GRM7: variants seen among roughly 807,000 people sequenced by gnomAD.
The protein encoded by GRM7 is glutamate metabotropic receptor 7.
In GRM7, 35 loss-of-function variants were observed where a neutral mutation model predicts 84.5. That is an observed-to-expected ratio of 0.41 (90% CI 0.32 to 0.55). The LOEUF is 0.55. GRM7 is among the 20% of genes least tolerant of loss of function. GRM7 has a pLI of 0.19. For missense variants in GRM7, 1,003 were observed against 1,194.6 expected, an observed-to-expected ratio of 0.84 and a Z score of 2.36; for synonymous variants, 487 against 455.1, an observed-to-expected ratio of 1.07 and a Z score of -0.89.
At chr3:7,201,162 C>T (rs913056582) in intron 2 of GRM7, among the ~76,000 whole-genome samples, 16 of 151,460 alleles carry the variant, frequency 1.1e-4, no homozygotes, top group African/African-American at 3.4e-4. Context: ...GTAGAGACAG[C>T]GTTTCACCAT....
intron 7 of GRM7, among the ~76,000 whole-genome samples, chr3:7,541,935 T>A (rs1041673474): frequency 1.3e-5 from 2 of 152,180 alleles, no homozygotes; most frequent in African/African-American, 4.8e-5. Context: ...CTTCCTTGCC[T>A]CTTCCTAGCT....
chr3:7,314,784 A>G (rs1027948382), intron 4 of GRM7, among the ~76,000 whole-genome samples: 2 of 151,876 alleles, frequency 1.3e-5, no homozygotes, highest in Admixed American at 1.3e-4. Context: ...GTTTCTGTCC[A>G]TTTTTCCTCC....
intron 8 of GRM7, chr3:7,606,858 A>AT (rs1696598970): frequency 6.6e-6 from 1 of 152,190 alleles, no homozygotes; most frequent in South Asian, 2.1e-4. Context: ...AATCAAGGAC[A>AT]TAATGATGTC....
chr3:6,979,278 A>G (rs913923226), intron 1 of GRM7, among the ~76,000 whole-genome samples: 10 of 152,166 alleles, frequency 6.6e-5, no homozygotes, highest in Admixed American at 2.0e-4. Context: ...AAGCCACGCT[A>G]CATTCAGTAA....
At chr3:7,099,245 T>A (rs908076222) in intron 1 of GRM7, among the ~76,000 whole-genome samples, 6 of 101,054 alleles carry the variant, frequency 5.9e-5, no homozygotes, top group African/African-American at 2.4e-4. Context: ...CATGTATATA[T>A]GAATACATGT....
chr3:7,138,417 T>C (rs952252923), intron 1 of GRM7, among the ~76,000 whole-genome samples: 1 of 151,996 alleles, frequency 6.6e-6, no homozygotes, highest in African/African-American at 2.4e-5. Context: ...CCATGAATAA[T>C]ACTAATAGTT....
chr3:7,274,026 T>C (rs777749438), intron 2 of GRM7, among the ~76,000 whole-genome samples: 2 of 152,004 alleles, frequency 1.3e-5, no homozygotes, highest in Non-Finnish European at 2.9e-5. Flanking sequence ...TTGATTATAT[T>C]ATTTTTGCCT....
At chr3:7,412,988 A>G (rs1364515316) in intron 4 of GRM7, among the ~76,000 whole-genome samples, 2 of 139,010 alleles carry the variant, frequency 1.4e-5, no homozygotes, top group Admixed American at 6.9e-5. Flanking sequence ...TCACTATGAC[A>G]CACACACACA....
intron 7 of GRM7, among the ~76,000 whole-genome samples, chr3:7,522,440 A>G (rs1043806931): frequency 2.0e-5 from 3 of 152,072 alleles, no homozygotes; most frequent in Non-Finnish European, 4.4e-5. Context: ...TTACGTTTCC[A>G]TTAACACACC....
Position 6,883,191 on chromosome 3 carries a change from T to A in GRM7, c.519+21284T>A, listed in dbSNP as rs142053063. Among the ~76,000 whole-genome samples the A allele has an allele frequency of 5.4e-3, 823 of 152,310 alleles. 7 individuals are homozygous for A. The highest frequency in any genetic ancestry group is 0.019 in the African/African-American group (786 of 41,578). ...ATTAAACTTATTTTAATGTATTTAT[T>A]GACTGTTTGTATTTCTTCTTTTGTG... On this transcript the variant is annotated intron_variant, in intron 1 of 9. Coordinates refer to ENST00000357716, the MANE Select transcript of GRM7 (RefSeq NM_000844.4).
rs993890488 is a variant in GRM7 at position 6,966,353 on chromosome 3, A to G, written c.519+104446A>G. 2.6e-5 allele frequency among the ~76,000 whole-genome samples: 4 copies of G among 152,170 alleles called. No homozygotes were observed. The South Asian group carries it at 8.3e-4, about 32-fold the overall frequency. On this transcript the variant is annotated intron_variant, in intron 1 of 9. Transcript: ENST00000357716. ...ACAGAATAATCAAGTAGGAGGAGAA[A>G]AATGTAAGGATGCAAGGTTGGACTA... is the stretch of plus-strand genomic sequence containing the variant.
At chr3:7,664,451 C>T (rs1405978264) in intron 8 of GRM7, among the ~76,000 whole-genome samples, 1 of 152,142 alleles carries the variant, frequency 6.6e-6, no homozygotes, top group Non-Finnish European at 1.5e-5. Flanking sequence ...TCTGGGGTAC[C>T]TTTCCGAGTA....
chr3:7,469,370 G>A (rs946044802), intron 7 of GRM7, among the ~76,000 whole-genome samples: 17 of 152,192 alleles, frequency 1.1e-4, no homozygotes, highest in African/African-American at 4.1e-4. Flanking sequence ...CCAGTCAGAA[G>A]AAAAGGAGGG....
chr3:7,329,679 C>T (rs1559239950), intron 4 of GRM7, among the ~76,000 whole-genome samples: 2 of 151,892 alleles, frequency 1.3e-5, no homozygotes, highest in Non-Finnish European at 1.5e-5. Context: ...TAAAAGTATA[C>T]CTGGTGTGTC....
At chr3:6,961,319 G>A (rs953979272) in intron 1 of GRM7, among the ~76,000 whole-genome samples, 4 of 152,058 alleles carry the variant, frequency 2.6e-5, no homozygotes, top group Admixed American at 6.6e-5. Flanking sequence ...TCCACCTTAC[G>A]CAGTTTAACT....
At chr3:7,632,229 A>G (rs2125097340) in intron 8 of GRM7, among the ~76,000 whole-genome samples, 1 of 152,284 alleles carries the variant, frequency 6.6e-6, no homozygotes, top group South Asian at 2.1e-4. Context: ...GACAATTTCA[A>G]GCAAGAAAGA....
intron 1 of GRM7, among the ~76,000 whole-genome samples, chr3:7,038,109 G>A (rs1290532919): frequency 6.6e-6 from 1 of 152,158 alleles, no homozygotes; most frequent in Non-Finnish European, 1.5e-5. Context: ...ACTAAAGACA[G>A]GTTAGTCCAT....
chr3:7,425,888 T>C (rs1457600105), intron 5 of GRM7, among the ~76,000 whole-genome samples: 1 of 152,210 alleles, frequency 6.6e-6, no homozygotes, highest in African/African-American at 2.4e-5. Flanking sequence ...TTCTAATGTC[T>C]GCCTGTGTGG....
intron 1 of GRM7, among the ~76,000 whole-genome samples, chr3:7,060,713 T>C (rs1297434029): frequency 6.8e-6 from 1 of 146,828 alleles, no homozygotes; most frequent in Non-Finnish European, 1.5e-5. Context: ...CTAATAAAAA[T>C]AAATGCATGT....
Sources: allele counts gnomAD v4.1 joint callset (sites outside exome capture counted in the v4.1 genomes callset), GRCh38; gene constraint gnomAD v4.1.1; transcripts MANE v1.5; gene names NCBI Gene and HGNC (gene_info 2026-07-23, HGNC 2026-07-21).